The following SEPTIN7 variants were observed in gnomAD, a reference collection of about 807,000 sequenced individuals.
The protein encoded by SEPTIN7 is septin-7.
A neutral mutation model predicts 63.3 loss-of-function variants in SEPTIN7; 10 were observed. The ratio of observed to expected loss-of-function variants is 0.16; its 90% confidence interval spans 0.10 to 0.27. The LOEUF (loss-of-function observed/expected upper bound fraction) is 0.27. SEPTIN7 is among the 10% of genes least tolerant of loss of function. The pLI, the probability that SEPTIN7 is intolerant of heterozygous loss-of-function variation, is 1.00. For synonymous variants in SEPTIN7, 131 were observed against 165.3 expected, an observed-to-expected ratio of 0.79 and a Z score of 1.59; for missense variants, 310 against 521.0, an observed-to-expected ratio of 0.59 and a Z score of 3.94.
chr7:35,842,782 A>G (rs1784471029), intron 3 of SEPTIN7, among the ~76,000 whole-genome samples: 1 of 152,172 alleles, frequency 6.6e-6, no homozygotes, highest in African/African-American at 2.4e-5. Context: ...CTTTTTTCCT[A>G]GGATATTTGA....
the SEPTIN7 span, among the ~76,000 whole-genome samples, chr7:35,915,072 C>T: frequency 6.7e-6 from 1 of 148,166 alleles, no homozygotes; most frequent in African/African-American, 2.5e-5. Context: ...CAGATGCATG[C>T]ATGTACATAT....
intron 5 of SEPTIN7, 140 bp from the exon 6 acceptor site, chr7:35,873,501 G>T: frequency 3.0e-5 from 20 of 676,634 alleles, no homozygotes; most frequent in South Asian, 8.9e-5. Context: ...TTATATTTTT[G>T]AATATATAGA....
At chr7:35,865,482 C>T (rs1474146350) in intron 4 of SEPTIN7, among the ~76,000 whole-genome samples, 3 of 151,958 alleles carry the variant, frequency 2.0e-5, no homozygotes, top group South Asian at 2.1e-4. Context: ...TCATCGTCAT[C>T]GTATGCTACT....
chr7:35,838,849 T>G (rs1784265506), intron 3 of SEPTIN7, among the ~76,000 whole-genome samples: 1 of 152,362 alleles, frequency 6.6e-6, no homozygotes, highest in South Asian at 2.1e-4. Flanking sequence ...GGCAGGAATC[T>G]GATGTTTATT....
chr7:35,845,563 CCTT>C (rs1356604829), intron 3 of SEPTIN7, among the ~76,000 whole-genome samples: 1 of 152,114 alleles, frequency 6.6e-6, no homozygotes. Flanking sequence ...TTATTCTTTT[CCTT>C]CTTAAAACAT....
intron 3 of SEPTIN7, among the ~76,000 whole-genome samples, chr7:35,861,504 T>G (rs905878448): frequency 1.3e-5 from 2 of 152,248 alleles, no homozygotes; most frequent in African/African-American, 2.4e-5. Flanking sequence ...GCTTAAGGTC[T>G]TCTTTTCTGA....
At chr7:35,885,976 T>G in intron 10 of SEPTIN7, 97 bp downstream of exon 10, 1 of 755,166 alleles carries the variant, frequency 1.3e-6, no homozygotes, top group South Asian at 1.6e-5. Context: ...GTAGCTAATT[T>G]AAATTTATAT....
intron 4 of SEPTIN7, among the ~76,000 whole-genome samples, chr7:35,868,695 G>A (rs1785965237): frequency 6.6e-6 from 1 of 152,104 alleles, no homozygotes; most frequent in South Asian, 2.1e-4. Context: ...ACCTGAGAAT[G>A]GTTATATCCT....
At chr7:35,832,043 G>T (rs1297503457) in intron 2 of SEPTIN7, 2 of 448,258 alleles carry the variant, frequency 4.5e-6, no homozygotes, top group Non-Finnish European at 4.5e-6. Context: ...GGGTAAGTTA[G>T]AAGTCAGACT....
chr7:35,880,579 C>T (rs538713750), intron 7 of SEPTIN7, among the ~76,000 whole-genome samples: 3 of 151,924 alleles, frequency 2.0e-5, no homozygotes, highest in Admixed American at 1.3e-4. Flanking sequence ...TGGTATTACC[C>T]GTATTTATTG....
At position 35,890,740 on chromosome 7, in the gene SEPTIN7, A is replaced by C. The variant is rs1343888265; in HGVS notation, c.945A>C (p.Ala315=). 3 of 1,599,956 alleles carry C rather than the reference A, an allele frequency of 1.9e-6. No individual in the cohort carries two copies. Among genetic ancestry groups the C allele is most frequent in the Admixed American group, 1.7e-5 (1 of 58,270 alleles). Residue 315 remains alanine (A), a synonymous_variant, in exon 11 of 14, where the codon GCA becomes GCC. Coordinates refer to ENST00000350320, the MANE Select transcript of SEPTIN7 (RefSeq NM_001788.6). ...AGAACTACAGAAGCAGAAAACTTGC[A>C]GCTGTGACTTATAATGGAGTTGATA... is the stretch of plus-strand genomic sequence containing the variant. The part of the protein sequence containing the change: ...HYENYRSRKL[A]AVTYNGVDNN...
chr7:35,870,550 G>A (rs903002871), intron 4 of SEPTIN7, among the ~76,000 whole-genome samples: 11 of 152,246 alleles, frequency 7.2e-5, no homozygotes, highest in Non-Finnish European at 1.3e-4. Context: ...TTCAGCCACA[G>A]TTACCATGAA....
intron 1 of SEPTIN7, among the ~76,000 whole-genome samples, chr7:35,808,786 A>C (rs997501373): frequency 6.6e-6 from 1 of 152,238 alleles, no homozygotes; most frequent in Non-Finnish European, 1.5e-5. Flanking sequence ...TTAAGACCAT[A>C]GCATATGGAT....
intron 3 of SEPTIN7, among the ~76,000 whole-genome samples, chr7:35,836,330 A>C (rs964848249): frequency 6.6e-6 from 1 of 152,100 alleles, no homozygotes; most frequent in Non-Finnish European, 1.5e-5. Flanking sequence ...AACTCAGAAA[A>C]CTGTAGTTTG....
intron 6 of SEPTIN7, among the ~76,000 whole-genome samples, chr7:35,879,196 G>T (rs1014785150): frequency 1.3e-5 from 2 of 152,188 alleles, no homozygotes; most frequent in African/African-American, 4.8e-5. Flanking sequence ...AGATTATCTT[G>T]TGAGCATCTT....
At chr7:35,888,028 C>T (rs1327576355) in intron 10 of SEPTIN7, among the ~76,000 whole-genome samples, 2 of 152,116 alleles carry the variant, frequency 1.3e-5, no homozygotes, top group African/African-American at 4.8e-5. Context: ...AACTAACTTA[C>T]TCCAGGCAAA....
intron 6 of SEPTIN7, among the ~76,000 whole-genome samples, chr7:35,874,666 G>A (rs937922808): frequency 6.6e-6 from 1 of 151,916 alleles, no homozygotes; most frequent in African/African-American, 2.4e-5. Flanking sequence ...TTGGCTTCTT[G>A]CTCTCTTTTA....
chr7:35,854,886 AC>A (rs1278593741), intron 3 of SEPTIN7, among the ~76,000 whole-genome samples: 1 of 152,126 alleles, frequency 6.6e-6, no homozygotes, highest in African/African-American at 2.4e-5. Context: ...AGAAATAAAC[AC>A]TGTTACAAAG....
chr7:35,854,713 G>A (rs1436505841), intron 3 of SEPTIN7, among the ~76,000 whole-genome samples: 4 of 151,974 alleles, frequency 2.6e-5, no homozygotes, highest in Non-Finnish European at 5.9e-5. Flanking sequence ...TATATTTGCA[G>A]GTAGCCTCTT....
Sources: gnomAD v4.1 joint callset for allele counts (sites outside exome capture counted in the v4.1 genomes callset) on GRCh38, gnomAD v4.1.1 for gene constraint, MANE v1.5 for transcripts, NCBI Gene and HGNC (gene_info 2026-07-23, HGNC 2026-07-21) for gene names.